CDH12: variants seen among roughly 807,000 people sequenced by gnomAD.
CDH12 encodes the protein cadherin-12.
CDH12 carries 41 observed loss-of-function variants against 74.1 expected under a neutral mutation model. The ratio of observed to expected loss-of-function variants is 0.55; its 90% confidence interval spans 0.43 to 0.72. CDH12 has a LOEUF of 0.72. Ranked by LOEUF, CDH12 falls within the 30% of genes least tolerant of loss-of-function variation. The pLI, the probability that CDH12 is intolerant of heterozygous loss-of-function variation, is 0.00. For missense variants in CDH12, 945 were observed against 977.2 expected (o/e 0.97, Z 0.44); for synonymous variants, 399 against 355.0 (o/e 1.12, Z -1.39).
intron 1 of CDH12, among the ~76,000 whole-genome samples, chr5:22,769,450 C>A (rs1258467651): frequency 1.3e-5 from 2 of 152,100 alleles, no homozygotes; most frequent in Admixed American, 1.3e-4. Flanking sequence ...TGGCCTTCTG[C>A]CACAGGCTGA....
At chr5:22,493,286 A>T (rs928094049) in intron 2 of CDH12, among the ~76,000 whole-genome samples, 13 of 152,184 alleles carry the variant, frequency 8.5e-5, no homozygotes, top group African/African-American at 3.1e-4. Flanking sequence ...CATATCTTAT[A>T]AATTAATAAT....
intron 11 of CDH12, 96 bp downstream of exon 11, chr5:21,783,262 G>T: frequency 2.7e-6 from 3 of 1,093,436 alleles, no homozygotes; most frequent in Non-Finnish European, 4.0e-6. Flanking sequence ...TCAGCTGTCA[G>T]TCCAAAAATG....
chr5:22,073,183 C>A (rs1300134147), intron 5 of CDH12, among the ~76,000 whole-genome samples: 13 of 152,070 alleles, frequency 8.5e-5, no homozygotes. Flanking sequence ...CATTCTTCAT[C>A]AAAAATAGGT....
intron 1 of CDH12, among the ~76,000 whole-genome samples, chr5:22,839,129 A>C (rs1326832085): frequency 1.3e-5 from 2 of 152,202 alleles, no homozygotes; most frequent in Non-Finnish European, 2.9e-5. Flanking sequence ...GATGTAGCAT[A>C]GATTTTTTTG....
At chr5:22,008,605 TG>T (rs1737106351) in intron 5 of CDH12, among the ~76,000 whole-genome samples, 1 of 152,178 alleles carries the variant, frequency 6.6e-6, no homozygotes, top group South Asian at 2.1e-4. Context: ...TCGTATCCTT[TG>T]TTTTATCTAT....
intron 1 of CDH12, among the ~76,000 whole-genome samples, chr5:22,824,229 CAA>C (rs1749883217): frequency 6.6e-6 from 1 of 151,980 alleles, no homozygotes; most frequent in Non-Finnish European, 1.5e-5. Context: ...AATGGTGAAA[CAA>C]AGATATTTTC....
Position 22,194,434 on chromosome 5 carries a change from C to T in CDH12, c.-187+18064G>A, listed in dbSNP as rs1393023602. 5.3e-5 allele frequency among the ~76,000 whole-genome samples: 8 copies of T among 151,572 alleles called. No individual in the cohort carries two copies. In the East Asian group the frequency reaches 9.8e-4, roughly 19 times the overall value. The stretch of plus-strand genomic sequence containing the variant: ...GCAAGCTCTGCCTCCTGGGTTCAAG[C>T]GATTCTCCTGCCTCAGCCTCCTGAG... On this transcript the variant is annotated intron_variant, in intron 4 of 14. Coordinates refer to ENST00000382254, the MANE Select transcript of CDH12 (RefSeq NM_004061.5).
At chr5:22,641,990 G>A (rs1739176347) in intron 1 of CDH12, among the ~76,000 whole-genome samples, 2 of 152,138 alleles carry the variant, frequency 1.3e-5, no homozygotes, top group South Asian at 4.1e-4. Flanking sequence ...CAAGCTCAAT[G>A]CACAGAAACT....
At chr5:22,278,615 T>C (rs1205094387) in intron 3 of CDH12, among the ~76,000 whole-genome samples, 1 of 152,122 alleles carries the variant, frequency 6.6e-6, no homozygotes, top group Non-Finnish European at 1.5e-5. Flanking sequence ...TCCGCTTATG[T>C]AGAATATATA....
At chr5:22,459,826 C>T (rs934483386) in intron 2 of CDH12, among the ~76,000 whole-genome samples, 1 of 151,954 alleles carries the variant, frequency 6.6e-6, no homozygotes, top group South Asian at 2.1e-4. Context: ...ATTAGCCGGG[C>T]ATGGTGGCAC....
intron 4 of CDH12, among the ~76,000 whole-genome samples, chr5:22,194,090 T>C (rs1443279422): frequency 2.0e-5 from 3 of 152,000 alleles, no homozygotes; most frequent in Non-Finnish European, 4.4e-5. Context: ...TGACACCTCA[T>C]TGGAGATGAG....
intron 1 of CDH12, among the ~76,000 whole-genome samples, chr5:22,662,390 A>G (rs1025966312): frequency 3.9e-5 from 6 of 152,162 alleles, no homozygotes; most frequent in Admixed American, 3.9e-4. Context: ...TGAAAGAATC[A>G]TGCAGATAAA....
chr5:22,042,871 C>T lies in CDH12; in HGVS notation c.231+35575G>A, dbSNP rs141813543. ...TGCCACCACACTCCAGCCTAGGTGACAGAGTGAGATTCTATCTCAAAAAAA... is the reference window on the plus strand; with the variant it reads ...TGCCACCACACTCCAGCCTAGGTGATAGAGTGAGATTCTATCTCAAAAAAA... On this transcript the variant is annotated intron_variant, in intron 5 of 14. Coordinates refer to ENST00000382254, the MANE Select transcript of CDH12 (RefSeq NM_004061.5). 4.7e-3 allele frequency among the ~76,000 whole-genome samples: 550 copies of T among 116,854 alleles called. 7 individuals carry two copies. The highest frequency in any genetic ancestry group is 0.031 in the Middle Eastern group (4 of 128). The allele number at this position is 116,854 out of a possible 152,430, so 76.7% of individuals were successfully genotyped here. A position where few individuals can be genotyped will look rare whatever the true frequency, so the allele number is the denominator to read the frequency against.
At chr5:22,063,307 G>A (rs1208943863) in intron 5 of CDH12, among the ~76,000 whole-genome samples, 1 of 151,952 alleles carries the variant, frequency 6.6e-6, no homozygotes, top group African/African-American at 2.4e-5. Context: ...CTTATTGGTA[G>A]GTCTTTCTGG....
At chr5:22,125,350 A>G (rs1004816474) in intron 4 of CDH12, among the ~76,000 whole-genome samples, 8 of 152,134 alleles carry the variant, frequency 5.3e-5, no homozygotes, top group African/African-American at 1.9e-4. Context: ...TATGAGTGAG[A>G]ACATGTGCTG....
intron 3 of CDH12, among the ~76,000 whole-genome samples, chr5:22,341,545 A>G (rs1739850568): frequency 6.6e-6 from 1 of 152,144 alleles, no homozygotes; most frequent in Non-Finnish European, 1.5e-5. Flanking sequence ...ACACCTTTCT[A>G]AGGGTAGATG....
At chr5:21,770,461 T>C (rs774255899) in intron 11 of CDH12, among the ~76,000 whole-genome samples, 10 of 151,776 alleles carry the variant, frequency 6.6e-5, no homozygotes, top group Admixed American at 1.3e-4. Flanking sequence ...CCATCTCTAC[T>C]AGAAATACAA....
At chr5:22,569,396 A>G (rs1366311756) in intron 1 of CDH12, among the ~76,000 whole-genome samples, 1 of 151,540 alleles carries the variant, frequency 6.6e-6, no homozygotes, top group African/African-American at 2.4e-5. Flanking sequence ...ATGAGTAAAA[A>G]CTCCTTGAGG....
chr5:22,353,864 G>A (rs1016873458), intron 3 of CDH12, among the ~76,000 whole-genome samples: 89 of 152,134 alleles, frequency 5.9e-4, no homozygotes, highest in African/African-American at 2.1e-3. Context: ...TGCATCAAGT[G>A]TCTGCAACCC....
Sources: gnomAD v4.1 joint callset for allele counts (sites outside exome capture counted in the v4.1 genomes callset) on GRCh38, gnomAD v4.1.1 for gene constraint, MANE v1.5 for transcripts, NCBI Gene and HGNC (gene_info 2026-07-23, HGNC 2026-07-21) for gene names.